DTX2: variants seen among roughly 807,000 people sequenced by gnomAD.
DTX2 encodes the protein deltex E3 ubiquitin ligase 2.
Under a neutral mutation model 55.3 loss-of-function variants are expected in DTX2, and 29 were observed. The observed-to-expected ratio is 0.52, with a 90% CI of 0.39 to 0.71. The LOEUF is 0.71. Ranked by LOEUF, DTX2 falls within the 30% of genes least tolerant of loss-of-function variation. The pLI is 0.00. For missense variants in DTX2, 537 were observed against 822.5 expected, an observed-to-expected ratio of 0.65 and a Z score of 4.25; for synonymous variants, 276 against 340.4, an observed-to-expected ratio of 0.81 and a Z score of 2.08.
intron 8 of DTX2, 51 bp downstream of exon 8, chr7:76,502,507 G>T (rs760921023): frequency 1.3e-6 from 2 of 1,584,586 alleles, no homozygotes; most frequent in Non-Finnish European, 1.7e-6. Flanking sequence ...CCACAGTCCT[G>T]AGCTGTCCCC....
intron 2 of DTX2, among the ~76,000 whole-genome samples, chr7:76,467,620 A>G (rs1419350520): frequency 2.5e-5 from 3 of 119,890 alleles, no homozygotes; most frequent in Non-Finnish European, 3.4e-5. Context: ...TCATTTTAAC[A>G]TAGCGAAATG....
At chr7:76,499,011 A>T (rs142622275) in intron 6 of DTX2, among the ~76,000 whole-genome samples, 1 of 11,176 alleles carries the variant, frequency 8.9e-5, no homozygotes, top group Non-Finnish European at 1.6e-4. Flanking sequence ...GGTGTGTAGA[A>T]GTGTGGGGTG....
chr7:76,480,516 A>G lies in DTX2; in HGVS notation c.7A>G (p.Met3Val), dbSNP rs1194915398. Residue 3 changes from methionine (M) to valine (V), a missense_variant, in exon 3 of 11, where the codon ATG becomes GTG. This residue lies in a region of DTX2 where 301 missense variants were observed against 396.6 expected (regional missense o/e 0.76). Transcript: ENST00000430490. Reference sequence around the variant, plus strand: ...AGCGGGACTCCTTGGGAAGATGGCCATGGCCCCAAGCCCTTCCCTGGTGCA... The same window carrying G: ...AGCGGGACTCCTTGGGAAGATGGCCGTGGCCCCAAGCCCTTCCCTGGTGCA... MAMAPSPSLVQVY... is the reference protein window; with the variant it reads MAVAPSPSLVQVY... 1.6e-5 allele frequency: 25 copies of G among 1,591,686 alleles called. No homozygotes were observed. Among genetic ancestry groups the G allele is most frequent in the Non-Finnish European group, 2.1e-5 (25 of 1,168,078 alleles).
At position 76,502,369 on chromosome 7, in the gene DTX2, C is replaced by T. The variant is rs151048323; in HGVS notation, c.1302C>T (p.Ile434=). The change falls in exon 8 of 11, where the codon ATC becomes ATT. Residue 434 remains isoleucine, a synonymous_variant. Coordinates refer to ENST00000430490, the MANE Select transcript of DTX2 (RefSeq NM_001102594.3). ...GYSDVTDSKA[I]GSLAVGHLTK... ...GCGATGTGACTGACAGCAAGGCAAT[C>T]GGGTCCCTAGCTGTGGGCCACCTCA... is the stretch of plus-strand genomic sequence containing the variant. The T allele has an allele frequency of 2.8e-5, 45 of 1,612,470 alleles. No homozygotes were observed. In the African/African-American group the frequency reaches 4.8e-4, roughly 17 times the overall value.
intron 3 of DTX2, 39 bp downstream of exon 3, chr7:76,480,816 G>C: frequency 6.5e-7 from 1 of 1,535,972 alleles, no homozygotes; most frequent in Non-Finnish European, 8.8e-7. Flanking sequence ...TCTGGGTGCC[G>C]CACCTGCTTT....
chr7:76,472,887 G>A (rs112943563), intron 2 of DTX2, among the ~76,000 whole-genome samples: 5,566 of 152,258 alleles, frequency 0.037, 39 homozygotes, highest in African/African-American at 0.12. Context: ...ATAGCTTCAC[G>A]TCAAAATTTT....
rs550083900 is a variant in DTX2, at chr7:76,502,370, G to C, written c.1303G>C (p.Gly435Arg). The change falls in exon 8 of 11, where the codon GGG becomes CGG. Residue 435 changes from glycine to arginine, a missense_variant. Physicochemically the swap from Gly to Arg is moderately radical, Grantham distance 125. Coordinates refer to ENST00000430490, the MANE Select transcript of DTX2 (RefSeq NM_001102594.3). ...CGATGTGACTGACAGCAAGGCAATC[G>C]GGTCCCTAGCTGTGGGCCACCTCAC... ...YSDVTDSKAI[G>R]SLAVGHLTKC... The C allele has an allele frequency of 6.2e-7, 1 of 1,612,344 alleles. No homozygotes were observed. The highest frequency in any genetic ancestry group is 8.5e-7 in the Non-Finnish European group (1 of 1,179,842).
chr7:76,494,249 T>G (rs1584221889), intron 5 of DTX2, among the ~76,000 whole-genome samples: 4 of 84,362 alleles, frequency 4.7e-5, no homozygotes, highest in South Asian at 4.8e-4. Flanking sequence ...GCCAGAGAGG[T>G]GGGGGCAGGA....
intron 5 of DTX2, among the ~76,000 whole-genome samples, chr7:76,496,362 G>A (rs1436325163): frequency 1.2e-5 from 1 of 84,524 alleles, no homozygotes; most frequent in Non-Finnish European, 2.4e-5. Context: ...CCCGGCAGCC[G>A]GCTGTGCCCA....
Position 76,503,581 on chromosome 7 carries a change from T to G in DTX2, c.1545T>G (p.Gly515=). 1 of 1,606,886 alleles carries G rather than the reference T, an allele frequency of 6.2e-7. No homozygotes were observed. The highest frequency in any genetic ancestry group is 8.5e-7 in the Non-Finnish European group (1 of 1,176,204). ...TCATAGTTTACAGCATTCCCCATGG[T>G]ATCCAGGTGAGGGGCCTTCTTGAGT... ...TILIVYSIPH[G]IQGPEHPNPG... The change falls in exon 9 of 11, where the codon GGT becomes GGG. Residue 515 remains glycine (G), a synonymous_variant. Coordinates refer to ENST00000430490, the MANE Select transcript of DTX2 (RefSeq NM_001102594.3).
intron 10 of DTX2, among the ~76,000 whole-genome samples, chr7:76,504,707 G>C (rs1353873658): frequency 6.6e-6 from 1 of 152,230 alleles, no homozygotes; most frequent in African/African-American, 2.4e-5. Flanking sequence ...GAGTGTGACA[G>C]GCAGGGACCG....
At chr7:76,465,007 A>G (rs1807016906) in intron 2 of DTX2, among the ~76,000 whole-genome samples, 1 of 150,560 alleles carries the variant, frequency 6.6e-6, no homozygotes, top group Non-Finnish European at 1.5e-5. Flanking sequence ...GTGCAATCTC[A>G]GCTCACTGCT....
rs1358589200 is a variant in DTX2, at chr7:76,483,160, A to G, written c.908+13A>G. 3.1e-6 allele frequency: 5 copies of G among 1,604,526 alleles called. No homozygotes were observed. The highest frequency in any genetic ancestry group is 2.7e-5 in the African/African-American group (2 of 74,808). Reference sequence around the variant, plus strand: ...CCGGTGCAGTCAGGTATCGTGGGCAACGGCCGCTCGTTTTGTCTGCCCTGT... The same window carrying G: ...CCGGTGCAGTCAGGTATCGTGGGCAGCGGCCGCTCGTTTTGTCTGCCCTGT... On this transcript the variant is annotated intron_variant, in intron 4 of 10. Transcript: ENST00000430490.
chr7:76,472,457 G>C (rs1808041239), intron 2 of DTX2, among the ~76,000 whole-genome samples: 1 of 145,242 alleles, frequency 6.9e-6, no homozygotes, highest in Admixed American at 7.0e-5. Flanking sequence ...TTCCCAGGTA[G>C]CTGGGATTAC....
chr7:76,495,016 A>G lies in DTX2; in HGVS notation c.1010-2321A>G, dbSNP rs1385279558. 3.4e-5 allele frequency among the ~76,000 whole-genome samples: 5 copies of G among 145,892 alleles called. No individual in the cohort carries two copies. The Admixed American group carries it at 3.5e-4, about 10-fold the overall frequency. On this transcript the variant is annotated intron_variant, in intron 5 of 10. Coordinates refer to ENST00000430490, the MANE Select transcript of DTX2 (RefSeq NM_001102594.3). ...ATGCTTTGGAAGGACTGAGTGCTGG[A>G]GGCACTGCTTCCAGGTGACAGTGCC... is the stretch of plus-strand genomic sequence containing the variant.
Position 76,503,410 on chromosome 7 carries a change from C to G in DTX2, c.1390-16C>G. On this transcript the variant is annotated splice_polypyrimidine_tract_variant and intron_variant, in intron 8 of 10. Coordinates refer to ENST00000430490, the MANE Select transcript of DTX2 (RefSeq NM_001102594.3). ...CTCAGACTGCCAGCTCAGTGGGTTG[C>G]GTCTGCCTCTGTCAGGATGGAAGTC... is the stretch of plus-strand genomic sequence containing the variant. 1 of 1,610,040 alleles carries G rather than the reference C, an allele frequency of 6.2e-7. No individual in the cohort carries two copies. The highest frequency in any genetic ancestry group is 1.1e-5 in the South Asian group (1 of 90,768).
intron 4 of DTX2, among the ~76,000 whole-genome samples, chr7:76,488,522 C>T (rs1344885482): frequency 1.2e-5 from 1 of 82,482 alleles, no homozygotes; most frequent in Non-Finnish European, 2.4e-5. Flanking sequence ...TCAGTGCTGC[C>T]CTAGAGGGTC....
chr7:76,490,328 AC>A (rs1489611293), intron 4 of DTX2, among the ~76,000 whole-genome samples: 3 of 83,526 alleles, frequency 3.6e-5, no homozygotes, highest in South Asian at 8.7e-4. Context: ...CCGTCCCCTC[AC>A]CCCCCCAAAA....
Position 76,495,902 on chromosome 7 carries a change from A to G in DTX2, c.1010-1435A>G, listed in dbSNP as rs1394315954. On this transcript the variant is annotated intron_variant, in intron 5 of 10. Coordinates refer to ENST00000430490, the MANE Select transcript of DTX2 (RefSeq NM_001102594.3). ...ACGTGTCCTGGCCTTTGGTCCTCCC[A>G]GACGACGTGGGCAGCGCAGAGGCAC... Among the ~76,000 whole-genome samples the G allele has an allele frequency of 1.7e-5, 2 of 116,780 alleles. 1 individual carries two copies. Among genetic ancestry groups the G allele is most frequent in the South Asian group, 6.2e-4 (2 of 3,220 alleles). 76.6% of individuals were successfully genotyped at this position (116,780 alleles called of 152,430 possible). A position where few individuals can be genotyped will look rare whatever the true frequency, so the allele number is the denominator to read the frequency against.
Sources: gnomAD v4.1 joint callset for allele counts (sites outside exome capture counted in the v4.1 genomes callset) on GRCh38, gnomAD v4.1.1 for gene constraint, gnomAD v4.1.1 regional missense constraint, MANE v1.5 for transcripts, NCBI Gene and HGNC (gene_info 2026-07-23, HGNC 2026-07-21) for gene names.